Variants in VTI1A observed in about 807,000 individuals in gnomAD.
The protein encoded by VTI1A is vesicle transport through interaction with t-SNAREs 1A.
VTI1A carries 22 observed loss-of-function variants against 34.9 expected under a neutral mutation model. That is an observed-to-expected ratio of 0.63 (90% CI 0.45 to 0.90). The LOEUF (loss-of-function observed/expected upper bound fraction) is 0.90. VTI1A is among the 40% of genes least tolerant of loss of function. The probability of loss-of-function intolerance (pLI) is 0.00; values close to 1 mark genes in which losing one functional copy is unlikely to be tolerated. For missense variants in VTI1A, 268 were observed against 275.6 expected (o/e 0.97, Z 0.20); for synonymous variants, 87 against 97.3 (o/e 0.89, Z 0.62).
chr10:112,778,926 T>C (rs1398955570), intron 7 of VTI1A, among the ~76,000 whole-genome samples: 2 of 152,094 alleles, frequency 1.3e-5, no homozygotes, highest in Non-Finnish European at 2.9e-5. Flanking sequence ...GAAAGAAATA[T>C]GCAGGAGAAG....
In VTI1A at chr10:112,742,149, G is replaced by A. The variant is rs11812742; in HGVS notation, c.561-73141G>A. Among the ~76,000 whole-genome samples the A allele has an allele frequency of 4.5e-3, 687 of 152,316 alleles. 7 individuals carry two copies. The highest frequency in any genetic ancestry group is 0.016 in the African/African-American group (657 of 41,568). Reference sequence around the variant, plus strand: ...CCTGCAGAGTGATTAATAGGCTAATGTGGTGACTGACAGGCACTCTGAGCT... The same window carrying A: ...CCTGCAGAGTGATTAATAGGCTAATATGGTGACTGACAGGCACTCTGAGCT... On this transcript the variant is annotated intron_variant, in intron 7 of 7. Transcript: ENST00000393077.
chr10:112,770,556 C>T (rs544619608), intron 7 of VTI1A, among the ~76,000 whole-genome samples: 45 of 149,352 alleles, frequency 3.0e-4, no homozygotes, highest in South Asian at 4.4e-4. Flanking sequence ...TCACCACGCC[C>T]GGCTAATTTT....
intron 7 of VTI1A, among the ~76,000 whole-genome samples, chr10:112,681,305 T>A (rs1848209749): frequency 6.6e-6 from 1 of 152,066 alleles, no homozygotes; most frequent in African/African-American, 2.4e-5. Context: ...GATCTCAAAC[T>A]CCTGGCCTCA....
intron 7 of VTI1A, among the ~76,000 whole-genome samples, chr10:112,700,145 A>AC (rs1372354073): frequency 6.0e-5 from 9 of 150,966 alleles, no homozygotes; most frequent in East Asian, 1.9e-4. Flanking sequence ...ACAAAACAAA[A>AC]AAAAAAAAAC....
At chr10:112,793,952 G>A (rs1474450986) in intron 7 of VTI1A, among the ~76,000 whole-genome samples, 10 of 152,252 alleles carry the variant, frequency 6.6e-5, no homozygotes, top group East Asian at 5.8e-4. Flanking sequence ...GCCCTCAACC[G>A]ACTGAGTCTG....
chr10:112,740,097 A>G (rs1290334406), intron 7 of VTI1A, among the ~76,000 whole-genome samples: 1 of 152,230 alleles, frequency 6.6e-6, no homozygotes, highest in Non-Finnish European at 1.5e-5. Flanking sequence ...GAAATTCAGA[A>G]CATTGTAGAT....
intron 3 of VTI1A, among the ~76,000 whole-genome samples, chr10:112,523,807 A>G (rs1281517959): frequency 2.6e-5 from 4 of 152,166 alleles, no homozygotes; most frequent in Non-Finnish European, 5.9e-5. Context: ...AACTATTTAT[A>G]AAATGCATTA....
At chr10:112,552,840 C>T (rs1253206387) in intron 5 of VTI1A, among the ~76,000 whole-genome samples, 2 of 152,204 alleles carry the variant, frequency 1.3e-5, no homozygotes, top group South Asian at 4.1e-4. Flanking sequence ...ACAAGTACGT[C>T]TTTCTCTTCT....
At chr10:112,498,401 TCTTA>T (rs1408601870) in intron 3 of VTI1A, among the ~76,000 whole-genome samples, 3 of 152,188 alleles carry the variant, frequency 2.0e-5, no homozygotes, top group Non-Finnish European at 2.9e-5. Context: ...ATACTTTTCC[TCTTA>T]CTTGATTTAT....
intron 7 of VTI1A, among the ~76,000 whole-genome samples, chr10:112,799,166 G>A (rs761337502): frequency 6.6e-6 from 1 of 152,138 alleles, no homozygotes; most frequent in Non-Finnish European, 1.5e-5. Flanking sequence ...GCTTCTGAGA[G>A]CCGCAGGGGT....
intron 7 of VTI1A, among the ~76,000 whole-genome samples, chr10:112,669,678 G>C (rs1350327165): frequency 6.6e-6 from 1 of 152,118 alleles, no homozygotes; most frequent in Non-Finnish European, 1.5e-5. Flanking sequence ...TAGCACGACT[G>C]TCAGTTTGGA....
chr10:112,487,446 A>G (rs1000759805), intron 3 of VTI1A, among the ~76,000 whole-genome samples: 1 of 152,204 alleles, frequency 6.6e-6, no homozygotes, highest in Admixed American at 6.5e-5. Flanking sequence ...TTTGAGAGGC[A>G]TGCAAGGTTT....
At chr10:112,618,524 T>TATATATATAGAGAG (rs748276058) in intron 5 of VTI1A, among the ~76,000 whole-genome samples, 26 of 34,574 alleles carry the variant, frequency 7.5e-4, no homozygotes, top group African/African-American at 1.8e-3. Context: ...TATATATATA[T>TATATATATAGAGAG]AGAGAGAGAG....
intron 7 of VTI1A, among the ~76,000 whole-genome samples, chr10:112,697,796 T>C (rs1260941694): frequency 6.6e-6 from 1 of 152,056 alleles, no homozygotes; most frequent in African/African-American, 2.4e-5. Flanking sequence ...GTTGATAGCT[T>C]TGTTCCATAA....
At chr10:112,679,211 T>C (rs766911441) in intron 7 of VTI1A, among the ~76,000 whole-genome samples, 2 of 152,186 alleles carry the variant, frequency 1.3e-5, no homozygotes, top group Non-Finnish European at 2.9e-5. Context: ...TGGCTGGGGA[T>C]TGTGCTTTCC....
At chr10:112,529,673 C>T (rs1289388167) in intron 4 of VTI1A, among the ~76,000 whole-genome samples, 1 of 151,854 alleles carries the variant, frequency 6.6e-6, no homozygotes, top group East Asian at 1.9e-4. Context: ...ATGGATAAAA[C>T]TTGGAGATAA....
intron 7 of VTI1A, among the ~76,000 whole-genome samples, chr10:112,794,924 C>T (rs1025700982): frequency 2.0e-5 from 3 of 152,160 alleles, no homozygotes; most frequent in African/African-American, 7.2e-5. Context: ...CTCAACTCAC[C>T]GATATTATAT....
intron 5 of VTI1A, among the ~76,000 whole-genome samples, chr10:112,631,659 C>G (rs1012309474): frequency 1.4e-4 from 21 of 152,182 alleles, no homozygotes; most frequent in African/African-American, 4.8e-4. Flanking sequence ...CTATTAACTC[C>G]CTGAAAGCCT....
chr10:112,548,950 T>C lies in VTI1A; in HGVS notation c.427+10620T>C, dbSNP rs919477848. On this transcript the variant is annotated intron_variant, in intron 5 of 7. Coordinates refer to ENST00000393077, the MANE Select transcript of VTI1A (RefSeq NM_145206.4). ...TTCTACTTCTACCTCCTCCTCATAA[T>C]TATATCTTTCTTTCTTCTCTTCTTC... 2.0e-5 allele frequency: 14 copies of C among 701,468 alleles called. No homozygotes were observed. In the East Asian group the frequency reaches 3.8e-4, roughly 19 times the overall value. 43.5% of individuals were successfully genotyped at this position (701,468 alleles called of 1,614,324 possible). A position where few individuals can be genotyped will look rare whatever the true frequency, so the allele number is the denominator to read the frequency against.
Sources: allele counts gnomAD v4.1 joint callset (sites outside exome capture counted in the v4.1 genomes callset), GRCh38; gene constraint gnomAD v4.1.1; transcripts MANE v1.5; gene names NCBI Gene and HGNC (gene_info 2026-07-23, HGNC 2026-07-21).